RASGRP3: variants seen among roughly 807,000 people sequenced by gnomAD.
RASGRP3 encodes RAS guanyl releasing protein 3, also known as ras guanyl-releasing protein 3.
A neutral mutation model predicts 82.7 loss-of-function variants in RASGRP3; 54 were observed. The observed-to-expected ratio is 0.65, with a 90% CI of 0.52 to 0.82. The LOEUF (loss-of-function observed/expected upper bound fraction) is 0.82, where lower values mean the gene tolerates loss of function less well. RASGRP3 is among the 40% of genes least tolerant of loss of function. The probability of loss-of-function intolerance (pLI) is 0.00; values close to 1 mark genes in which losing one functional copy is unlikely to be tolerated. For missense variants in RASGRP3, 861 were observed against 828.9 expected, an observed-to-expected ratio of 1.04 and a Z score of -0.48; for synonymous variants, 309 against 300.5, an observed-to-expected ratio of 1.03 and a Z score of -0.29.
chr2:33,442,439 C>T (rs1233901672), intron 1 of RASGRP3, among the ~76,000 whole-genome samples: 1 of 152,148 alleles, frequency 6.6e-6, no homozygotes, highest in Admixed American at 6.6e-5. Context: ...TAAGCATGTA[C>T]TACTTTTATA....
chr2:33,478,563 T>C (rs903808073), intron 1 of RASGRP3, among the ~76,000 whole-genome samples: 4 of 152,202 alleles, frequency 2.6e-5, no homozygotes, highest in African/African-American at 9.7e-5. Context: ...CTGCTGTATT[T>C]TTGAGAGCCA....
chr2:33,472,524 A>G (rs576232638), upstream of RASGRP3, among the ~76,000 whole-genome samples: 4 of 152,314 alleles, frequency 2.6e-5, no homozygotes, highest in Admixed American at 6.5e-5. Flanking sequence ...TAAGAGTGCA[A>G]GATGAGAAGA....
chr2:33,451,726 T>C (rs1055422371), intron 2 of RASGRP3, among the ~76,000 whole-genome samples: 7 of 151,964 alleles, frequency 4.6e-5, no homozygotes, highest in African/African-American at 1.7e-4. Flanking sequence ...TGCTTGGGGC[T>C]ATTTGGGCTT....
At chr2:33,463,886 C>T (rs1051520587) in intron 2 of RASGRP3, among the ~76,000 whole-genome samples, 2 of 151,804 alleles carry the variant, frequency 1.3e-5, no homozygotes, top group African/African-American at 4.8e-5. Context: ...AGGCATGAGC[C>T]ACCGTGCCCA....
chr2:33,488,046 C>A (rs1668541459), intron 1 of RASGRP3, among the ~76,000 whole-genome samples: 1 of 152,178 alleles, frequency 6.6e-6, no homozygotes. Flanking sequence ...CATTTATTTT[C>A]TCAATGGGAA....
intron 13 of RASGRP3, among the ~76,000 whole-genome samples, chr2:33,546,762 T>C (rs1029171544): frequency 6.6e-6 from 1 of 151,994 alleles, no homozygotes; most frequent in Non-Finnish European, 1.5e-5. Flanking sequence ...TGGACTATTA[T>C]GCAGCCATAA....
chr2:33,528,452 T>C (rs1672789612), intron 10 of RASGRP3, among the ~76,000 whole-genome samples: 1 of 152,174 alleles, frequency 6.6e-6, no homozygotes, highest in Non-Finnish European at 1.5e-5. Context: ...AGAAGAGGCA[T>C]AACAAAATTC....
chr2:33,558,338 T>G lies in RASGRP3; in HGVS notation c.1705+2T>G, dbSNP rs1676250105. On this transcript the variant is annotated splice_donor_variant, in intron 16 of 17. Coordinates refer to ENST00000403687, the MANE Select transcript of RASGRP3 (RefSeq NM_001139488.2). LOFTEE classifies it high-confidence loss of function. Reference sequence around the variant, plus strand: ...CTGGAAGCCCCTCGCTGCCCCCAGGTAATGCCCTCTGCTTTCTTTGCTGCC... The same window carrying G: ...CTGGAAGCCCCTCGCTGCCCCCAGGGAATGCCCTCTGCTTTCTTTGCTGCC... 6.2e-7 allele frequency: 1 copy of G among 1,613,026 alleles called. No individual in the cohort carries two copies. The highest frequency in any genetic ancestry group is 1.7e-5 in the Admixed American group (1 of 59,986).
At chr2:33,529,193 A>C (rs1672857716) in intron 10 of RASGRP3, among the ~76,000 whole-genome samples, 1 of 152,212 alleles carries the variant, frequency 6.6e-6, no homozygotes. Flanking sequence ...AAGGATTTTC[A>C]ATAAAATTTC....
upstream of RASGRP3, chr2:33,476,427 C>T (rs1367721199): frequency 6.6e-6 from 1 of 152,216 alleles, no homozygotes; most frequent in Non-Finnish European, 1.5e-5. Flanking sequence ...TGGCTTTTGT[C>T]ACTAAAGGAA....
chr2:33,495,569 G>A (rs1669233816), intron 1 of RASGRP3, among the ~76,000 whole-genome samples: 1 of 152,070 alleles, frequency 6.6e-6, no homozygotes, highest in African/African-American at 2.4e-5. Flanking sequence ...ATATTATAAT[G>A]ATGTAATGAG....
At chr2:33,513,823 C>G (rs1261402208) in intron 2 of RASGRP3, 1 of 152,222 alleles carries the variant, frequency 6.6e-6, no homozygotes, top group Non-Finnish European at 1.5e-5. Flanking sequence ...CCTTCTGTCT[C>G]TGTAACAGAT....
intron 14 of RASGRP3, 122 bp from the exon 15 acceptor site, chr2:33,555,409 T>G (rs761516655): frequency 4.7e-5 from 32 of 679,944 alleles, no homozygotes; most frequent in Non-Finnish European, 7.9e-5. Flanking sequence ...GTGTTAAAAG[T>G]GGCTACATCC....
chr2:33,451,237 A>G (rs1558396201), intron 2 of RASGRP3, among the ~76,000 whole-genome samples: 1 of 152,010 alleles, frequency 6.6e-6, no homozygotes, highest in African/African-American at 2.4e-5. Flanking sequence ...TCCTTTATCC[A>G]TTTTAAAATT....
chr2:33,509,880 T>A (rs1558462767), intron 1 of RASGRP3, among the ~76,000 whole-genome samples: 1 of 152,222 alleles, frequency 6.6e-6, no homozygotes, highest in East Asian at 1.9e-4. Context: ...TTTCAGAGTT[T>A]TTATTATTTC....
intron 13 of RASGRP3, among the ~76,000 whole-genome samples, chr2:33,548,153 A>T (rs1674988604): frequency 6.6e-6 from 1 of 152,044 alleles, no homozygotes; most frequent in Non-Finnish European, 1.5e-5. Flanking sequence ...CAAGGTCAGG[A>T]GATCGAGACC....
chr2:33,437,434 A>G (rs984645821), intron 1 of RASGRP3, among the ~76,000 whole-genome samples: 1 of 152,234 alleles, frequency 6.6e-6, no homozygotes, highest in Admixed American at 6.5e-5. Context: ...GCTGCTGATA[A>G]TAACCACATT....
At chr2:33,514,532 A>G (rs1489811780) in intron 2 of RASGRP3, among the ~76,000 whole-genome samples, 1 of 141,614 alleles carries the variant, frequency 7.1e-6, no homozygotes, top group Non-Finnish European at 1.5e-5. Context: ...AAAAAACCCA[A>G]AAAATAGCCA....
chr2:33,444,810 CATT>C (rs1665418076), intron 1 of RASGRP3, among the ~76,000 whole-genome samples: 1 of 152,188 alleles, frequency 6.6e-6, no homozygotes, highest in Non-Finnish European at 1.5e-5. Flanking sequence ...TTTTAATAAA[CATT>C]ATCCAAATTT....
Sources: allele counts gnomAD v4.1 joint callset (sites outside exome capture counted in the v4.1 genomes callset), GRCh38; gene constraint gnomAD v4.1.1; transcripts MANE v1.5; gene names NCBI Gene and HGNC (gene_info 2026-07-23, HGNC 2026-07-21).